MDFIC2: variants seen among roughly 807,000 people sequenced by gnomAD.
The protein encoded by MDFIC2 is MyoD family inhibitor domain containing 2.
intron 2 of MDFIC2, among the ~76,000 whole-genome samples, chr3:70,267,669 G>T (rs1355258767): frequency 6.7e-6 from 1 of 150,350 alleles, no homozygotes; most frequent in Non-Finnish European, 1.5e-5. Flanking sequence ...GCCTGCCTCG[G>T]CCTCCCAGAG....
intron 2 of MDFIC2, among the ~76,000 whole-genome samples, chr3:70,212,695 T>A (rs1701363487): frequency 6.6e-6 from 1 of 152,136 alleles, no homozygotes; most frequent in Non-Finnish European, 1.5e-5. Flanking sequence ...AATATTCTTC[T>A]CGTCATATTA....
At chr3:70,233,521 C>G (rs574685795) in intron 2 of MDFIC2, among the ~76,000 whole-genome samples, 1 of 152,178 alleles carries the variant, frequency 6.6e-6, no homozygotes, top group South Asian at 2.1e-4. Context: ...ATTGACAAGG[C>G]TTTAAAGCAT....
chr3:70,251,688 C>A (rs1278579941), intron 2 of MDFIC2, among the ~76,000 whole-genome samples: 1 of 152,054 alleles, frequency 6.6e-6, no homozygotes, highest in Admixed American at 6.6e-5. Context: ...CTTTTAATGG[C>A]AAAACCCGCA....
intron 2 of MDFIC2, among the ~76,000 whole-genome samples, chr3:70,219,876 G>A (rs1416733963): frequency 6.6e-6 from 1 of 152,080 alleles, no homozygotes; most frequent in African/African-American, 2.4e-5. Context: ...CAGTTTCCTG[G>A]AGAAGAAACC....
At chr3:70,267,394 C>CTTTTTTT (rs9310185) in intron 2 of MDFIC2, among the ~76,000 whole-genome samples, 1 of 74,844 alleles carries the variant, frequency 1.3e-5, no homozygotes, top group Non-Finnish European at 2.3e-5. Context: ...TTTTTAATAG[C>CTTTTTTT]TTTTTTTTTT....
chr3:70,265,260 G>A (rs1701905795), intron 2 of MDFIC2, among the ~76,000 whole-genome samples: 1 of 152,164 alleles, frequency 6.6e-6, no homozygotes, highest in Non-Finnish European at 1.5e-5. Flanking sequence ...AGATATAGGG[G>A]ATTGAAAGGA....
intron 2 of MDFIC2, among the ~76,000 whole-genome samples, chr3:70,234,392 T>TA (rs1346049769): frequency 6.6e-6 from 1 of 152,166 alleles, no homozygotes; most frequent in Non-Finnish European, 1.5e-5. Flanking sequence ...CTCATGCCTG[T>TA]AATCCTAGCA....
chr3:70,216,618 T>C (rs1701414653), intron 2 of MDFIC2, among the ~76,000 whole-genome samples: 1 of 152,140 alleles, frequency 6.6e-6, no homozygotes, highest in Non-Finnish European at 1.5e-5. Context: ...GGAATTTTAT[T>C]GAATATAATG....
chr3:70,307,294 AG>A (rs769874544), intron 2 of MDFIC2, among the ~76,000 whole-genome samples: 3 of 152,184 alleles, frequency 2.0e-5, no homozygotes, highest in Non-Finnish European at 4.4e-5. Context: ...CTGAAAAATC[AG>A]GAGACACTAT....
At chr3:70,255,735 G>T (rs750049567) in intron 2 of MDFIC2, among the ~76,000 whole-genome samples, 1 of 152,132 alleles carries the variant, frequency 6.6e-6, no homozygotes, top group Admixed American at 6.5e-5. Flanking sequence ...AGGATTACAG[G>T]TATGATCCCC....
intron 2 of MDFIC2, among the ~76,000 whole-genome samples, chr3:70,251,071 T>A (rs1358272367): frequency 6.6e-6 from 1 of 152,194 alleles, no homozygotes; most frequent in Non-Finnish European, 1.5e-5. Context: ...TGAATCGTAT[T>A]CATTAAACCA....
chr3:70,225,310 T>C (rs1701493339), intron 2 of MDFIC2, among the ~76,000 whole-genome samples: 1 of 152,218 alleles, frequency 6.6e-6, no homozygotes, highest in Non-Finnish European at 1.5e-5. Context: ...TAATTATATG[T>C]CTTCCTCCCA....
intron 3 of MDFIC2, among the ~76,000 whole-genome samples, chr3:70,199,865 A>G (rs1001548348): frequency 1.3e-5 from 2 of 152,116 alleles, no homozygotes; most frequent in African/African-American, 4.8e-5. Flanking sequence ...CATATATGCT[A>G]TTGCCTGCTG....
chr3:70,214,453 T>A (rs1317802531), intron 2 of MDFIC2, among the ~76,000 whole-genome samples: 1 of 152,052 alleles, frequency 6.6e-6, no homozygotes, highest in Non-Finnish European at 1.5e-5. Context: ...AAGGCTAAAG[T>A]ATATTATTCC....
chr3:70,270,750 C>G (rs1701968244), intron 2 of MDFIC2, among the ~76,000 whole-genome samples: 2 of 152,112 alleles, frequency 1.3e-5, no homozygotes, highest in South Asian at 4.1e-4. Flanking sequence ...ACGGTTGAAG[C>G]TGGAAACCAT....
chr3:70,288,528 A>T, intron 2 of MDFIC2, among the ~76,000 whole-genome samples: 1 of 150,396 alleles, frequency 6.6e-6, no homozygotes, highest in Non-Finnish European at 1.5e-5. Context: ...AAAAAAATGT[A>T]TATTCTATTG....
At chr3:70,233,698 A>G (rs889595515) in intron 2 of MDFIC2, among the ~76,000 whole-genome samples, 2 of 152,142 alleles carry the variant, frequency 1.3e-5, no homozygotes. Context: ...TCTTCTTACT[A>G]CAGATTGACT....
chr3:70,267,432 T>G (rs1701926491), intron 2 of MDFIC2, among the ~76,000 whole-genome samples: 1 of 122,166 alleles, frequency 8.2e-6, no homozygotes, highest in African/African-American at 3.1e-5. Flanking sequence ...AGCGGGAGTC[T>G]CGCTCTGTCA....
intron 2 of MDFIC2, among the ~76,000 whole-genome samples, 192 bp downstream of exon 2, chr3:70,311,694 T>G (rs972783559): frequency 6.6e-6 from 1 of 152,074 alleles, no homozygotes; most frequent in African/African-American, 2.4e-5. Flanking sequence ...ACAAGAAGCA[T>G]TTTAATAATA....
Sources: gnomAD v4.1 joint callset for allele counts (sites outside exome capture counted in the v4.1 genomes callset) on GRCh38, gnomAD v4.1.1 for gene constraint, MANE v1.5 for transcripts, NCBI Gene and HGNC (gene_info 2026-07-23, HGNC 2026-07-21) for gene names.